The following FSTL5 variants were observed in gnomAD, a reference collection of about 807,000 sequenced individuals.
The protein encoded by FSTL5 is follistatin like 5.
FSTL5 carries 62 observed loss-of-function variants against 89.1 expected under a neutral mutation model. The ratio of observed to expected loss-of-function variants is 0.70; its 90% CI spans 0.57 to 0.86. The LOEUF (loss-of-function observed/expected upper bound fraction) is 0.86, where lower values mean the gene tolerates loss of function less well. Among genes scored for constraint, FSTL5 ranks in the 40% least tolerant of loss-of-function variants. The pLI, the probability that FSTL5 is intolerant of heterozygous loss-of-function variation, is 0.00. For synonymous variants in FSTL5, 383 were observed against 346.2 expected (o/e 1.11, Z -1.18); for missense variants, 1,057 against 1,001.6 (o/e 1.06, Z -0.75).
chr4:161,732,342 G>A (rs1418783199), intron 6 of FSTL5, among the ~76,000 whole-genome samples: 2 of 152,002 alleles, frequency 1.3e-5, no homozygotes, highest in Non-Finnish European at 2.9e-5. Context: ...AAAATGAAGT[G>A]TTTTTGTTCC....
chr4:162,056,572 G>C (rs1321850344), intron 2 of FSTL5, among the ~76,000 whole-genome samples: 1 of 151,744 alleles, frequency 6.6e-6, no homozygotes, highest in African/African-American at 2.4e-5. Context: ...TAAAGCTATT[G>C]GAATCAATAT....
At chr4:162,143,165 TA>T (rs1732815236) in intron 1 of FSTL5, among the ~76,000 whole-genome samples, 1 of 142,018 alleles carries the variant, frequency 7.0e-6, no homozygotes, top group Non-Finnish European at 1.6e-5. Flanking sequence ...ACAATACCTC[TA>T]TTTTTTTTCC....
intron 4 of FSTL5, among the ~76,000 whole-genome samples, chr4:161,802,919 A>G (rs764048170): frequency 6.6e-6 from 1 of 151,920 alleles, no homozygotes; most frequent in Non-Finnish European, 1.5e-5. Flanking sequence ...GTTTTTGAAA[A>G]GTAATTTTCT....
chr4:161,613,323 C>A (rs891401626), intron 7 of FSTL5, among the ~76,000 whole-genome samples: 1 of 151,738 alleles, frequency 6.6e-6, no homozygotes, highest in African/African-American at 2.4e-5. Context: ...TGATGGCGCA[C>A]GCCGGTAGTC....
chr4:162,157,262 A>C (rs1733516172), intron 1 of FSTL5, among the ~76,000 whole-genome samples: 1 of 152,144 alleles, frequency 6.6e-6, no homozygotes, highest in Admixed American at 6.6e-5. Flanking sequence ...AATATTTATA[A>C]ATTTTTAGAC....
chr4:161,459,677 A>G (rs539480325), intron 13 of FSTL5, among the ~76,000 whole-genome samples: 4 of 151,990 alleles, frequency 2.6e-5, no homozygotes, highest in Non-Finnish European at 5.9e-5. Context: ...TCAAGATATA[A>G]AAGATTAATA....
chr4:162,028,343 G>A (rs976077152), intron 3 of FSTL5, among the ~76,000 whole-genome samples: 8 of 152,136 alleles, frequency 5.3e-5, no homozygotes, highest in African/African-American at 1.9e-4. Flanking sequence ...TTGGGAAGGT[G>A]AGGAGAGCAG....
intron 2 of FSTL5, among the ~76,000 whole-genome samples, chr4:162,046,878 C>T (rs1738202170): frequency 6.6e-6 from 1 of 152,014 alleles, no homozygotes; most frequent in Non-Finnish European, 1.5e-5. Context: ...TTTATTAAGT[C>T]TGCAAACAGC....
At chr4:161,451,176 CT>C (rs1733150241) in intron 15 of FSTL5, among the ~76,000 whole-genome samples, 1 of 138,932 alleles carries the variant, frequency 7.2e-6, no homozygotes, top group African/African-American at 2.8e-5. Context: ...AAATATACTC[CT>C]TTTGCACTCC....
intron 2 of FSTL5, among the ~76,000 whole-genome samples, chr4:162,057,601 A>C: frequency 6.6e-6 from 1 of 152,196 alleles, no homozygotes; most frequent in East Asian, 1.9e-4. Flanking sequence ...ATTGCTCTTT[A>C]AAAGTTAGTT....
At chr4:161,422,985 CT>C (rs1474743249) in intron 15 of FSTL5, among the ~76,000 whole-genome samples, 1 of 152,132 alleles carries the variant, frequency 6.6e-6, no homozygotes, top group African/African-American at 2.4e-5. Flanking sequence ...TTTTATGCTT[CT>C]TTTAGCTTGC....
chr4:162,020,602 T>C (rs1737048082), intron 3 of FSTL5, among the ~76,000 whole-genome samples: 2 of 152,098 alleles, frequency 1.3e-5, no homozygotes, highest in Non-Finnish European at 2.9e-5. Flanking sequence ...TTAGGTATCT[T>C]GCCTGTAGTC....
At chr4:161,621,827 C>CAAAAAAAAAAAAAAAAAAAAAAAAAGA (rs58143952) in intron 7 of FSTL5, among the ~76,000 whole-genome samples, 1 of 90,380 alleles carries the variant, frequency 1.1e-5, no homozygotes. Context: ...TCTAAAAATA[C>CAAAAAAAAAAAAAAAAAAAAAAAAAGA]AAAAAAAAAA....
intron 4 of FSTL5, among the ~76,000 whole-genome samples, chr4:161,836,138 G>T (rs1326337414): frequency 2.0e-5 from 3 of 151,964 alleles, no homozygotes; most frequent in Admixed American, 6.6e-5. Flanking sequence ...AAAATGATGA[G>T]CTCATGTCCT....
At chr4:161,473,122 T>C (rs191166427) in intron 13 of FSTL5, among the ~76,000 whole-genome samples, 45 of 152,282 alleles carry the variant, frequency 3.0e-4, no homozygotes, top group African/African-American at 1.1e-3. Context: ...AAGATATATA[T>C]GCTATTGTCA....
At chr4:162,136,040 C>T (rs1292222283) in intron 1 of FSTL5, among the ~76,000 whole-genome samples, 1 of 152,006 alleles carries the variant, frequency 6.6e-6, no homozygotes, top group Non-Finnish European at 1.5e-5. Flanking sequence ...TACAGATCTT[C>T]TCTCCCCAAA....
chr4:161,897,602 AAT>A (rs1733208538), intron 4 of FSTL5, among the ~76,000 whole-genome samples: 1 of 151,342 alleles, frequency 6.6e-6, no homozygotes, highest in Non-Finnish European at 1.5e-5. Flanking sequence ...AAAGAAAAAA[AAT>A]ATATATATGC....
At chr4:161,956,759 C>T (rs1302331291) in intron 3 of FSTL5, among the ~76,000 whole-genome samples, 1 of 151,832 alleles carries the variant, frequency 6.6e-6, no homozygotes, top group Admixed American at 6.6e-5. Flanking sequence ...CGAAATAATG[C>T]AAACTGATGT....
At chr4:161,905,554 A>G (rs1478540192) in intron 4 of FSTL5, among the ~76,000 whole-genome samples, 2 of 152,156 alleles carry the variant, frequency 1.3e-5, no homozygotes, top group African/African-American at 4.8e-5. Flanking sequence ...TCAAGAAACA[A>G]ACAAAATACT....
Sources: allele counts gnomAD v4.1 joint callset (sites outside exome capture counted in the v4.1 genomes callset), GRCh38; gene constraint gnomAD v4.1.1; transcripts MANE v1.5; gene names NCBI Gene and HGNC (gene_info 2026-07-23, HGNC 2026-07-21).